Variants in PHACTR1 observed in about 807,000 individuals in gnomAD.
PHACTR1 encodes RPEL repeat containing 1.
PHACTR1 carries 16 observed loss-of-function variants against 69.2 expected under a neutral mutation model. That is an observed-to-expected ratio of 0.23 (90% confidence interval 0.16 to 0.35). PHACTR1 has a LOEUF of 0.35. Among genes scored for constraint, PHACTR1 ranks in the 10% least tolerant of loss-of-function variants. PHACTR1 has a pLI of 1.00. For synonymous variants in PHACTR1, 312 were observed against 284.5 expected, an observed-to-expected ratio of 1.10 and a Z score of -0.97; for missense variants, 510 against 734.7, an observed-to-expected ratio of 0.69 and a Z score of 3.54.
chr6:13,283,898 T>C lies in PHACTR1; in HGVS notation c.1650+336T>C, dbSNP rs1369108332. ...CCAGGCTCATCACAGCCCTTCCGTA[T>C]AGGGGATGGTGCTGCCGGCATCCAA... On this transcript the variant is annotated intron_variant, in intron 13 of 14. Coordinates refer to ENST00000332995, the MANE Select transcript of PHACTR1 (RefSeq NM_030948.6). The surrounding 1 kb of genome is among the most constrained non-coding windows in gnomAD (Gnocchi z 4.7). 9.7e-6 allele frequency: 3 copies of C among 309,312 alleles called. No individual in the cohort carries two copies. Among genetic ancestry groups the C allele is most frequent in the African/African-American group, 4.3e-5 (2 of 46,810 alleles). 19.2% of individuals were successfully genotyped at this position (309,312 alleles called of 1,614,324 possible).
intron 4 of PHACTR1, among the ~76,000 whole-genome samples, chr6:12,769,315 T>A (rs2127623284): frequency 6.6e-6 from 1 of 152,322 alleles, no homozygotes; most frequent in South Asian, 2.1e-4. Context: ...AAACATCACA[T>A]CTCATAAATA....
chr6:12,966,121 G>A (rs1383268824), intron 4 of PHACTR1, among the ~76,000 whole-genome samples: 2 of 152,138 alleles, frequency 1.3e-5, no homozygotes, highest in African/African-American at 2.4e-5. Context: ...CTGAAGTCAG[G>A]TGAAGGTGAT....
At chr6:13,271,865 A>T (rs1178817848) in intron 10 of PHACTR1, among the ~76,000 whole-genome samples, 1 of 152,064 alleles carries the variant, frequency 6.6e-6, no homozygotes, top group Non-Finnish European at 1.5e-5. Context: ...CCGACTATAG[A>T]CACCAGTTTC....
At chr6:13,076,386 G>A (rs556526250) in intron 5 of PHACTR1, among the ~76,000 whole-genome samples, 1 of 152,146 alleles carries the variant, frequency 6.6e-6, no homozygotes, top group African/African-American at 2.4e-5. Flanking sequence ...AAATACGAAT[G>A]CCTTGGGTTA....
intron 5 of PHACTR1, among the ~76,000 whole-genome samples, chr6:13,113,260 A>G (rs180961826): frequency 2.6e-5 from 4 of 152,278 alleles, no homozygotes; most frequent in Admixed American, 2.6e-4. Flanking sequence ...ACTGGTCAAA[A>G]CTGATCCAAG....
intron 8 of PHACTR1, among the ~76,000 whole-genome samples, chr6:13,225,158 GTCT>G (rs1269508302): frequency 2.0e-5 from 3 of 152,218 alleles, no homozygotes; most frequent in Non-Finnish European, 2.9e-5. Context: ...CGGGGCATTT[GTCT>G]TCTTCTCAGG....
Position 12,936,047 on chromosome 6 carries a change from TAA to T in PHACTR1, c.251-117306_251-117305del, listed in dbSNP as rs71659897. On this transcript the variant is annotated intron_variant, in intron 4 of 14. Transcript: ENST00000332995. ...CTAATGATTTCAGCTTGAGTGTCAT[TAA>T]AAAAAAAAAAACAGATAATCTTGTT... Among the ~76,000 whole-genome samples, 1,492 of 143,754 alleles carry T rather than the reference TAA, an allele frequency of 0.01. 49 individuals are homozygous for T. The East Asian group carries it at 0.12, about 11-fold the overall frequency. The allele number at this position is 143,754 out of a possible 152,430, so 94.3% of individuals were successfully genotyped here. A position where few individuals can be genotyped will look rare whatever the true frequency, so the allele number is the denominator to read the frequency against.
intron 10 of PHACTR1, among the ~76,000 whole-genome samples, chr6:13,270,489 C>A (rs1198136479): frequency 6.6e-6 from 1 of 152,168 alleles, no homozygotes; most frequent in East Asian, 1.9e-4. Flanking sequence ...AGCACAAACT[C>A]TGGTGTAATC....
chr6:13,006,660 T>TAC (rs71819721), intron 4 of PHACTR1, among the ~76,000 whole-genome samples: 5,703 of 149,680 alleles, frequency 0.038, 102 homozygotes, highest in Middle Eastern at 0.066. Context: ...TGATATATGA[T>TAC]ACACACACAC....
intron 6 of PHACTR1, among the ~76,000 whole-genome samples, chr6:13,181,072 A>T (rs920670344): frequency 1.3e-5 from 2 of 151,786 alleles, no homozygotes; most frequent in East Asian, 1.9e-4. Flanking sequence ...GGCATTCATT[A>T]TATTTTTTCT....
chr6:12,920,718 C>A (rs1030143185), intron 4 of PHACTR1, among the ~76,000 whole-genome samples: 1 of 152,142 alleles, frequency 6.6e-6, no homozygotes, highest in Non-Finnish European at 1.5e-5. Context: ...AAGGCCAAGG[C>A]CAGGCCAAGG....
intron 5 of PHACTR1, among the ~76,000 whole-genome samples, chr6:13,091,418 T>C (rs1390483457): frequency 1.3e-5 from 2 of 152,178 alleles, no homozygotes; most frequent in African/African-American, 4.8e-5. Context: ...CAGCTGTAGT[T>C]CACTGAGTTT....
chr6:12,878,015 C>T (rs1377670609), intron 4 of PHACTR1, among the ~76,000 whole-genome samples: 1 of 152,164 alleles, frequency 6.6e-6, no homozygotes, highest in Non-Finnish European at 1.5e-5. Context: ...ATATGTGTTT[C>T]CCAGTCATAT....
intron 4 of PHACTR1, among the ~76,000 whole-genome samples, chr6:12,889,797 C>CT (rs4053036): frequency 0.062 from 8,251 of 132,928 alleles, 513 homozygotes; most frequent in African/African-American, 0.14. Flanking sequence ...CTCCTTCTTC[C>CT]TTTTTTTTTT....
intron 4 of PHACTR1, among the ~76,000 whole-genome samples, chr6:12,944,201 A>G (rs1790352874): frequency 6.6e-6 from 1 of 152,184 alleles, no homozygotes; most frequent in Non-Finnish European, 1.5e-5. Flanking sequence ...TAAGGCAATG[A>G]TCGAGGGCAT....
chr6:13,083,252 T>C (rs1811701285), intron 5 of PHACTR1, among the ~76,000 whole-genome samples: 2 of 152,108 alleles, frequency 1.3e-5, no homozygotes, highest in Non-Finnish European at 2.9e-5. Context: ...ATCAGATAGT[T>C]GTAGATATGC....
chr6:13,114,472 G>C (rs1817520603), intron 5 of PHACTR1, among the ~76,000 whole-genome samples: 1 of 152,122 alleles, frequency 6.6e-6, no homozygotes, highest in Admixed American at 6.5e-5. Context: ...TTCTATTAGA[G>C]GATGAGAGCT....
intron 4 of PHACTR1, among the ~76,000 whole-genome samples, chr6:12,841,454 CTCAGCTCCATGTACT>C (rs1199692557): frequency 1.3e-5 from 2 of 152,168 alleles, no homozygotes; most frequent in African/African-American, 4.8e-5. Context: ...TTCACAATAT[CTCAGCTCCATGTACT>C]TCTAATGCAG....
intron 6 of PHACTR1, among the ~76,000 whole-genome samples, chr6:13,165,666 T>C (rs1036795008): frequency 1.3e-4 from 20 of 152,138 alleles, no homozygotes; most frequent in Non-Finnish European, 2.2e-4. Flanking sequence ...TTTAGGTCAA[T>C]GCAATCATGG....
Sources: allele counts gnomAD v4.1 joint callset (sites outside exome capture counted in the v4.1 genomes callset), GRCh38; gene constraint gnomAD v4.1.1; non-coding constraint Gnocchi (gnomAD v3.1); transcripts MANE v1.5; gene names NCBI Gene and HGNC (gene_info 2026-07-23, HGNC 2026-07-21).